WDR70: variants seen among roughly 807,000 people sequenced by gnomAD.
WDR70 encodes the protein WD repeat-containing protein 70.
In WDR70, 53 loss-of-function variants were observed where a neutral mutation model predicts 88.6. The ratio of observed to expected loss-of-function variants is 0.60; its 90% CI spans 0.48 to 0.75. The LOEUF is 0.75. WDR70 is among the 30% of genes least tolerant of loss of function. WDR70 has a pLI of 0.00. For missense variants in WDR70, 610 were observed against 823.2 expected (o/e 0.74, Z 3.17); for synonymous variants, 280 against 270.0 (o/e 1.04, Z -0.36).
intron 7 of WDR70, among the ~76,000 whole-genome samples, chr5:37,460,806 C>G (rs1363444699): frequency 6.6e-6 from 1 of 151,360 alleles, no homozygotes; most frequent in Non-Finnish European, 1.5e-5. Context: ...AGTTTGAAGA[C>G]ATGATATCTG....
intron 10 of WDR70, among the ~76,000 whole-genome samples, chr5:37,676,305 C>T (rs1364715026): frequency 1.8e-4 from 27 of 150,004 alleles, no homozygotes; most frequent in African/African-American, 2.5e-4. Flanking sequence ...GCATCCCTGT[C>T]TTGTGCCAGT....
chr5:37,517,110 A>T lies in WDR70; in HGVS notation c.917+520A>T, dbSNP rs118023867. 5.6e-4 allele frequency among the ~76,000 whole-genome samples: 86 copies of T among 152,344 alleles called. No homozygotes were observed. The East Asian group carries it at 0.016, about 28-fold the overall frequency. On this transcript the variant is annotated intron_variant, in intron 9 of 17. Coordinates refer to ENST00000265107, the MANE Select transcript of WDR70 (RefSeq NM_018034.4). Reference sequence around the variant, plus strand: ...GACACTATGAAAACGAGAGTGGTATAAATTCCTGTAGAGTTTATTAAGGTT... The same window carrying T: ...GACACTATGAAAACGAGAGTGGTATTAATTCCTGTAGAGTTTATTAAGGTT...
chr5:37,588,417 T>C (rs970658855), intron 9 of WDR70, among the ~76,000 whole-genome samples: 3 of 152,036 alleles, frequency 2.0e-5, no homozygotes, highest in African/African-American at 7.2e-5. Flanking sequence ...TAGGCTAAAT[T>C]AAAAGAGGTT....
At chr5:37,423,071 T>A (rs1749995912) in intron 5 of WDR70, among the ~76,000 whole-genome samples, 1 of 151,776 alleles carries the variant, frequency 6.6e-6, no homozygotes, top group Non-Finnish European at 1.5e-5. Context: ...TGGAAAGAAG[T>A]GAAGAGGATG....
At chr5:37,684,102 T>C (rs1746514353) in intron 10 of WDR70, among the ~76,000 whole-genome samples, 1 of 152,222 alleles carries the variant, frequency 6.6e-6, no homozygotes, top group Non-Finnish European at 1.5e-5. Context: ...GTCTTCAAGC[T>C]CTGAGATTCT....
At chr5:37,501,004 G>A (rs561565983) in intron 8 of WDR70, among the ~76,000 whole-genome samples, 1 of 152,260 alleles carries the variant, frequency 6.6e-6, no homozygotes, top group South Asian at 2.1e-4. Context: ...CTCCCAAAGT[G>A]CTGGGATTAC....
chr5:37,602,326 T>G (rs1475972936), intron 9 of WDR70, among the ~76,000 whole-genome samples: 2 of 145,610 alleles, frequency 1.4e-5, no homozygotes. Flanking sequence ...TGAAAACTAT[T>G]GGCCAGGTGT....
chr5:37,691,016 AG>A (rs1561073381), intron 10 of WDR70, among the ~76,000 whole-genome samples: 1 of 152,316 alleles, frequency 6.6e-6, no homozygotes, highest in East Asian at 1.9e-4. Context: ...CTCAAAATAA[AG>A]GGATGGAGGG....
intron 5 of WDR70, among the ~76,000 whole-genome samples, chr5:37,414,298 C>T (rs1320159529): frequency 6.6e-6 from 1 of 152,142 alleles, no homozygotes; most frequent in African/African-American, 2.4e-5. Context: ...GCTCACTCCT[C>T]TCTAGCCACA....
intron 8 of WDR70, chr5:37,506,152 G>A (rs775998932): frequency 3.8e-6 from 4 of 1,063,650 alleles, no homozygotes; most frequent in South Asian, 1.3e-5. Flanking sequence ...TTAATGTATC[G>A]AAGGTCCTAA....
At chr5:37,696,696 A>C (rs1361589390) in intron 10 of WDR70, among the ~76,000 whole-genome samples, 3 of 152,180 alleles carry the variant, frequency 2.0e-5, no homozygotes, top group Admixed American at 2.0e-4. Context: ...CACACCTATT[A>C]TAGAGGTTAC....
intron 17 of WDR70, among the ~76,000 whole-genome samples, chr5:37,748,321 C>T (rs1748695248): frequency 6.6e-6 from 1 of 152,128 alleles, no homozygotes; most frequent in African/African-American, 2.4e-5. Context: ...CATCTACAAC[C>T]ATCTGATCTT....
intron 9 of WDR70, among the ~76,000 whole-genome samples, chr5:37,527,641 ATAAAC>A (rs978794068): frequency 5.3e-5 from 8 of 152,178 alleles, no homozygotes; most frequent in Non-Finnish European, 7.4e-5. Context: ...TGGGGTCTAA[ATAAAC>A]TAAAGAGCTT....
chr5:37,701,915 T>C (rs780358778), intron 12 of WDR70, among the ~76,000 whole-genome samples: 2 of 152,232 alleles, frequency 1.3e-5, no homozygotes, highest in African/African-American at 2.4e-5. Flanking sequence ...CATCCTTCAC[T>C]TGTTCAGACT....
At chr5:37,548,991 A>T (rs1253471968) in intron 9 of WDR70, among the ~76,000 whole-genome samples, 1 of 152,032 alleles carries the variant, frequency 6.6e-6, no homozygotes, top group African/African-American at 2.4e-5. Flanking sequence ...ATTCTGTTTT[A>T]TCGGTCTGTG....
At chr5:37,401,560 A>G (rs1212571246) in intron 5 of WDR70, among the ~76,000 whole-genome samples, 4 of 147,610 alleles carry the variant, frequency 2.7e-5, no homozygotes, top group South Asian at 2.2e-4. Context: ...CAGGTAATCC[A>G]CCTACCTTGG....
At chr5:37,468,145 G>A (rs552435038) in intron 7 of WDR70, among the ~76,000 whole-genome samples, 2 of 152,168 alleles carry the variant, frequency 1.3e-5, no homozygotes, top group African/African-American at 2.4e-5. Flanking sequence ...CACTGCGCCC[G>A]GCCTATCATA....
rs183395842 is a variant in WDR70, at chr5:37,568,100, G to T, written c.918-36964G>T. On this transcript the variant is annotated intron_variant, in intron 9 of 17. Transcript: ENST00000265107. ...CATCTAATTTTCTTTTCAGTAGGTT[G>T]CCAGGTTTATGTGTATTTGCCATAG... is the stretch of plus-strand genomic sequence containing the variant. 2.3e-3 allele frequency among the ~76,000 whole-genome samples: 343 copies of T among 152,310 alleles called. 3 individuals are homozygous for T. Among genetic ancestry groups the T allele is most frequent in the African/African-American group, 7.9e-3 (328 of 41,570 alleles).
chr5:37,530,916 T>C (rs1346101934), intron 9 of WDR70, among the ~76,000 whole-genome samples: 1 of 152,124 alleles, frequency 6.6e-6, no homozygotes, highest in Non-Finnish European at 1.5e-5. Context: ...TTTCAGACTT[T>C]CTGATGTAGG....
Sources: allele counts gnomAD v4.1 joint callset (sites outside exome capture counted in the v4.1 genomes callset), GRCh38; gene constraint gnomAD v4.1.1; transcripts MANE v1.5; gene names NCBI Gene and HGNC (gene_info 2026-07-23, HGNC 2026-07-21).